SLC24A2: variants seen among roughly 807,000 people sequenced by gnomAD.
SLC24A2 encodes the protein sodium/potassium/calcium exchanger 2.
SLC24A2 carries 36 observed loss-of-function variants against 62.0 expected under a neutral mutation model. The observed-to-expected ratio is 0.58, with a 90% CI of 0.44 to 0.77. The LOEUF (loss-of-function observed/expected upper bound fraction) is 0.77, where lower values mean the gene tolerates loss of function less well. Among genes scored for constraint, SLC24A2 ranks in the 30% least tolerant of loss-of-function variants. SLC24A2 has a pLI of 0.00. For missense variants in SLC24A2, 846 were observed against 817.9 expected, an observed-to-expected ratio of 1.03 and a Z score of -0.42; for synonymous variants, 358 against 294.0, an observed-to-expected ratio of 1.22 and a Z score of -2.23.
chr9:19,889,528 G>A, the SLC24A2 span, among the ~76,000 whole-genome samples: 60,520 of 151,892 alleles, frequency 0.4, 12,637 homozygotes, highest in East Asian at 0.82. Flanking sequence ...TCCTGAGAAC[G>A]CTTCTTCCCC....
intron 9 of SLC24A2, among the ~76,000 whole-genome samples, chr9:19,524,165 T>G (rs1276441755): frequency 3.0e-5 from 3 of 101,048 alleles, no homozygotes; most frequent in East Asian, 3.9e-4. Flanking sequence ...AAAAAGCAAA[T>G]TAGGCCACTC....
the SLC24A2 span, among the ~76,000 whole-genome samples, chr9:20,084,432 T>A: frequency 6.6e-6 from 1 of 152,000 alleles, no homozygotes; most frequent in Non-Finnish European, 1.5e-5. Context: ...ATTCCCCTCC[T>A]TTCTTCCTTT....
chr9:19,716,755 T>G lies in SLC24A2; in HGVS notation c.930+69182A>C, dbSNP rs77362191. On this transcript the variant is annotated intron_variant, in intron 2 of 10. Transcript: ENST00000341998. ...GCCACTATCATCATCCCCATTCCCA[T>G]AGTCTCTTTTCCTTTCCTATTCTTC... Among the ~76,000 whole-genome samples, 316 of 152,304 alleles carry G rather than the reference T, an allele frequency of 2.1e-3. 1 individual carries two copies. The East Asian group carries it at 0.022, about 11-fold the overall frequency.
the SLC24A2 span, among the ~76,000 whole-genome samples, chr9:20,216,865 T>C: frequency 6.6e-6 from 1 of 152,198 alleles, no homozygotes; most frequent in African/African-American, 2.4e-5. Flanking sequence ...GTTGTTTCCA[T>C]CTTTTTCCCA....
chr9:19,684,024 T>C (rs899291260), intron 2 of SLC24A2, among the ~76,000 whole-genome samples: 1 of 152,100 alleles, frequency 6.6e-6, no homozygotes, highest in African/African-American at 2.4e-5. Context: ...TTGTAAGGAA[T>C]GGGGAACTCA....
At chr9:19,805,251 C>G in the SLC24A2 span, among the ~76,000 whole-genome samples, 129,192 of 152,144 alleles carry the variant, frequency 0.85, 55,894 homozygotes, top group Non-Finnish European at 0.94. Context: ...TGTACATTTT[C>G]TAAGGATGCT....
intron 2 of SLC24A2, among the ~76,000 whole-genome samples, chr9:19,776,976 C>T (rs964242353): frequency 2.0e-5 from 3 of 152,164 alleles, no homozygotes; most frequent in African/African-American, 7.2e-5. Flanking sequence ...ACATCCCAGT[C>T]CCTGAAAACT....
intron 8 of SLC24A2, among the ~76,000 whole-genome samples, chr9:19,540,593 T>C (rs965006498): frequency 1.2e-4 from 18 of 147,270 alleles, no homozygotes; most frequent in Non-Finnish European, 1.8e-4. Flanking sequence ...TCTGATGGGC[T>C]TTCCTTTGAG....
the SLC24A2 span, among the ~76,000 whole-genome samples, chr9:19,911,289 T>C: frequency 1.3e-5 from 2 of 152,164 alleles, no homozygotes; most frequent in Non-Finnish European, 2.9e-5. Context: ...GGTGTCTATG[T>C]GCCACATTTT....
the SLC24A2 span, among the ~76,000 whole-genome samples, chr9:20,274,522 T>C: frequency 1.2e-4 from 18 of 152,208 alleles, no homozygotes; most frequent in Non-Finnish European, 2.1e-4. Context: ...GGAGGAACTA[T>C]TGTCAAACTC....
the SLC24A2 span, among the ~76,000 whole-genome samples, chr9:19,835,492 A>G: frequency 2.0e-5 from 3 of 152,348 alleles, no homozygotes; most frequent in African/African-American, 7.2e-5. Flanking sequence ...CCATTACATA[A>G]TGGTAAAGGG....
At chr9:19,574,252 G>A (rs754561299) in intron 6 of SLC24A2, among the ~76,000 whole-genome samples, 1 of 152,210 alleles carries the variant, frequency 6.6e-6, no homozygotes, top group Non-Finnish European at 1.5e-5. Flanking sequence ...GCAAGGGGGA[G>A]CTCGACAAGT....
At chr9:19,792,691 A>T (rs1276403736), upstream of SLC24A2, among the ~76,000 whole-genome samples, 1 of 141,096 alleles carries the variant, frequency 7.1e-6, no homozygotes, top group Non-Finnish European at 1.6e-5. Flanking sequence ...CTGGGAAACA[A>T]GAACAAAACT....
the SLC24A2 span, among the ~76,000 whole-genome samples, chr9:20,068,746 T>C: frequency 1.3e-5 from 2 of 152,174 alleles, no homozygotes; most frequent in South Asian, 2.1e-4. Flanking sequence ...TCTGCCCAAA[T>C]TAGGGCTGAA....
rs534340331 is a variant in SLC24A2, at chr9:19,525,427, A to G, written c.1569+2622T>C. Among the ~76,000 whole-genome samples the G allele has an allele frequency of 2.2e-4, 25 of 111,818 alleles. No individual in the cohort carries two copies. The South Asian group carries it at 7.3e-3, about 33-fold the overall frequency. The allele number at this position is 111,818 out of a possible 152,430, so 73.4% of individuals were successfully genotyped here. On this transcript the variant is annotated intron_variant, in intron 9 of 10. Coordinates refer to ENST00000341998, the MANE Select transcript of SLC24A2 (RefSeq NM_020344.4). ...TTTTTTTTTTTTTTTTTTAAAAGAC[A>G]GGGTCTTACTCTGCCACCCATGCTG...
the SLC24A2 span, chr9:19,929,626 T>A: frequency 6.6e-6 from 1 of 152,220 alleles, no homozygotes; most frequent in East Asian, 1.9e-4. Flanking sequence ...CTGGTTTGTA[T>A]ATTTACTGTA....
In SLC24A2 at chr9:19,507,786, C is replaced by T. The variant is rs1286837139; in HGVS notation, c.*8367G>A. On this transcript the variant is annotated 3_prime_UTR_variant, in exon 11 of 11. Coordinates refer to ENST00000341998, the MANE Select transcript of SLC24A2 (RefSeq NM_020344.4). ...AAATGACAGAAGTAATTTGGAAGTG[C>T]ATCCACTGGATTTTTGTAGGGATGA... is the stretch of plus-strand genomic sequence containing the variant. The T allele has an allele frequency of 6.6e-6, 1 of 152,222 alleles. No individual in the cohort carries two copies. Among genetic ancestry groups the T allele is most frequent in the Admixed American group, 6.5e-5 (1 of 15,282 alleles). The allele number at this position is 152,222 out of a possible 1,614,324, so 9.4% of individuals were successfully genotyped here.
At chr9:20,257,380 A>C in the SLC24A2 span, among the ~76,000 whole-genome samples, 6 of 152,210 alleles carry the variant, frequency 3.9e-5, no homozygotes, top group Non-Finnish European at 8.8e-5. Flanking sequence ...TTTCAGTCAA[A>C]TTGTAAGTCC....
Position 19,565,906 on chromosome 9 carries a change from C to T in SLC24A2, c.1347+7445G>A, listed in dbSNP as rs10757076. On this transcript the variant is annotated intron_variant, in intron 7 of 10. Transcript: ENST00000341998. ...ATAAATGGTACTGGGAAAACTGGCT[C>T]GCTATATATAGAAAGCTGAAACTGG... Among the ~76,000 whole-genome samples, 37 of 149,700 alleles carry T rather than the reference C, an allele frequency of 2.5e-4. 3 individuals are homozygous for T. The highest frequency in any genetic ancestry group is 7.4e-4 in the African/African-American group (29 of 39,074).
Sources: gnomAD v4.1 joint callset for allele counts (sites outside exome capture counted in the v4.1 genomes callset) on GRCh38, gnomAD v4.1.1 for gene constraint, MANE v1.5 for transcripts, NCBI Gene and HGNC (gene_info 2026-07-23, HGNC 2026-07-21) for gene names.